ACTR3B: variants seen among roughly 807,000 people sequenced by gnomAD.
The protein encoded by ACTR3B is actin related protein 3B.
ACTR3B carries 8 observed loss-of-function variants against 59.0 expected under a neutral mutation model. That is an observed-to-expected ratio of 0.14 (90% CI 0.08 to 0.24). The LOEUF is 0.24. Ranked by LOEUF, ACTR3B falls within the 10% of genes least tolerant of loss-of-function variation. ACTR3B has a pLI of 1.00. For synonymous variants in ACTR3B, 148 were observed against 197.9 expected, an observed-to-expected ratio of 0.75 and a Z score of 2.12; for missense variants, 245 against 552.3, an observed-to-expected ratio of 0.44 and a Z score of 5.58.
Position 152,854,476 on chromosome 7 carries a change from T to G in ACTR3B, c.1180T>G (p.Cys394Gly). Residue 394 changes from cysteine to glycine, a missense_variant, in exon 12 of 12, where the codon TGC becomes GGC. By Grantham distance (159) the Cys-to-Gly change is radical. Coordinates refer to ENST00000256001, the MANE Select transcript of ACTR3B (RefSeq NM_020445.6). The surrounding 1 kb of genome is among the most constrained non-coding windows in gnomAD (Gnocchi z 4.9). ...LASTPEFFQV[C>G]HTKKDYEEYG... ...CTCGTAGCCCGAGTTCTTTCAGGTC[T>G]GCCACACCAAGAAGGACTATGAAGA... 6.2e-7 allele frequency: 1 copy of G among 1,614,144 alleles called. No homozygotes were observed. Among genetic ancestry groups the G allele is most frequent in the South Asian group, 1.1e-5 (1 of 91,080 alleles).
Position 152,820,283 on chromosome 7 carries a change from T to G in ACTR3B, c.541-16T>G. The stretch of plus-strand genomic sequence containing the variant: ...AAATCACTAACACAGCTGTTCTGCC[T>G]CCTCTTCTTCCCTAGGCAGAAGGTT... On this transcript the variant is annotated splice_polypyrimidine_tract_variant and intron_variant, in intron 6 of 11. Coordinates refer to ENST00000256001, the MANE Select transcript of ACTR3B (RefSeq NM_020445.6). The G allele has an allele frequency of 6.4e-7, 1 of 1,573,988 alleles. No homozygotes were observed. The highest frequency in any genetic ancestry group is 1.2e-5 in the South Asian group (1 of 84,488).
At chr7:152,773,551 C>T (rs533936194) in intron 1 of ACTR3B, among the ~76,000 whole-genome samples, 2 of 151,988 alleles carry the variant, frequency 1.3e-5, no homozygotes, top group South Asian at 2.1e-4. Flanking sequence ...CATGATACTG[C>T]ACTCCAGCCT....
At chr7:152,826,498 T>C (rs1796585620) in intron 9 of ACTR3B, among the ~76,000 whole-genome samples, 1 of 152,202 alleles carries the variant, frequency 6.6e-6, no homozygotes, top group South Asian at 2.1e-4. Context: ...TGCATATTCT[T>C]AAACACTTGT....
chr7:152,852,981 T>C (rs952668984), intron 10 of ACTR3B, among the ~76,000 whole-genome samples: 3 of 151,878 alleles, frequency 2.0e-5, no homozygotes, highest in East Asian at 1.9e-4. Flanking sequence ...TTAGTAGAGA[T>C]GGGGTTTCAC....
At chr7:152,762,320 A>T (rs1012584642) in intron 1 of ACTR3B, among the ~76,000 whole-genome samples, 3 of 152,238 alleles carry the variant, frequency 2.0e-5, no homozygotes, top group African/African-American at 7.2e-5. Flanking sequence ...CACTTCTCTG[A>T]GCCAAACTTT....
At chr7:152,767,014 C>G (rs2098112480) in intron 1 of ACTR3B, among the ~76,000 whole-genome samples, 1 of 151,476 alleles carries the variant, frequency 6.6e-6, no homozygotes, top group Non-Finnish European at 1.5e-5. Flanking sequence ...TCTCAAACTC[C>G]TGACCTCAGG....
intron 7 of ACTR3B, among the ~76,000 whole-genome samples, chr7:152,821,724 T>C (rs78325072): frequency 6.6e-6 from 1 of 152,192 alleles, no homozygotes; most frequent in Non-Finnish European, 1.5e-5. Context: ...AAGAGACTGT[T>C]CATAGCCTCC....
chr7:152,766,982 T>A (rs1404936057), intron 1 of ACTR3B, among the ~76,000 whole-genome samples: 1 of 152,016 alleles, frequency 6.6e-6, no homozygotes, highest in Non-Finnish European at 1.5e-5. Context: ...AGAAGGGGGT[T>A]TTACCATATT....
intron 4 of ACTR3B, among the ~76,000 whole-genome samples, chr7:152,808,247 C>T (rs200825813): frequency 0.14 from 21,037 of 151,200 alleles, 1,627 homozygotes; most frequent in African/African-American, 0.28. Flanking sequence ...TACATAGATA[C>T]CACATTCTGC....
chr7:152,832,663 C>T (rs1797122220), intron 9 of ACTR3B, among the ~76,000 whole-genome samples: 1 of 152,200 alleles, frequency 6.6e-6, no homozygotes, highest in Non-Finnish European at 1.5e-5. Flanking sequence ...CACCTGGCCA[C>T]TATCTCTATC....
chr7:152,845,531 C>T (rs3763421), intron 9 of ACTR3B, among the ~76,000 whole-genome samples: 2,064 of 152,328 alleles, frequency 0.014, 21 homozygotes, highest in East Asian at 0.035. Context: ...GCTCCCATGA[C>T]GTTTCACGGT....
At position 152,800,642 on chromosome 7, in the gene ACTR3B, C is replaced by T; in HGVS notation, c.212C>T (p.Thr71Ile). ...FIGDEAIDKP[T>I]YATKWPIRHG... Reference sequence around the variant, plus strand: ...GGAGATGAAGCCATCGATAAACCTACATATGCTACAAAGGTAAATTTCCGA... The same window carrying T: ...GGAGATGAAGCCATCGATAAACCTATATATGCTACAAAGGTAAATTTCCGA... Residue 71 changes from threonine (T) to isoleucine (I), a missense_variant, in exon 3 of 12, where the codon ACA becomes ATA. This residue lies in a region of ACTR3B where 11 missense variants were observed against 82.1 expected (regional missense o/e 0.13). Transcript: ENST00000256001. 6.2e-7 allele frequency: 1 copy of T among 1,613,944 alleles called. No homozygotes were observed. The highest frequency in any genetic ancestry group is 8.5e-7 in the Non-Finnish European group (1 of 1,179,896).
chr7:152,801,366 A>C (rs1446059099), intron 3 of ACTR3B, among the ~76,000 whole-genome samples: 3 of 152,212 alleles, frequency 2.0e-5, no homozygotes, highest in Non-Finnish European at 4.4e-5. Context: ...GGCGTGAGCC[A>C]CTGTGCCTGG....
At chr7:152,853,027 G>A (rs1422312587) in intron 10 of ACTR3B, among the ~76,000 whole-genome samples, 1 of 152,094 alleles carries the variant, frequency 6.6e-6, no homozygotes, top group East Asian at 1.9e-4. Context: ...TCCTGACCTT[G>A]TGATCCATGC....
rs1795499959 is a variant in ACTR3B, at chr7:152,814,193, T to A, written c.337-357T>A. 9.1e-6 allele frequency: 2 copies of A among 219,834 alleles called. 1 individual carries two copies. The highest frequency in any genetic ancestry group is 5.3e-5 in the African/African-American group (2 of 37,462). 13.6% of individuals were successfully genotyped at this position (219,834 alleles called of 1,614,324 possible). On this transcript the variant is annotated intron_variant, in intron 4 of 11. Transcript: ENST00000256001. ...TGAAGTCACCGGTTCGCCTTTGATG[T>A]CCTCACTCGTCTTGGTTGTGTTTTC...
In ACTR3B at chr7:152,759,770, G is replaced by T; in HGVS notation, c.-113G>T. The T allele has an allele frequency of 3.5e-6, 3 of 856,830 alleles. No individual in the cohort carries two copies. The highest frequency in any genetic ancestry group is 5.3e-5 in the South Asian group (1 of 18,870). 53.1% of individuals were successfully genotyped at this position (856,830 alleles called of 1,614,324 possible). A position where few individuals can be genotyped will look rare whatever the true frequency, so the allele number is the denominator to read the frequency against. On this transcript the variant is annotated 5_prime_UTR_variant, in exon 1 of 12. Coordinates refer to ENST00000256001, the MANE Select transcript of ACTR3B (RefSeq NM_020445.6). Reference sequence around the variant, plus strand: ...GCCGAGCATCCGGGCTCCCGGCAGCGGCGCTGCGGCGGCTCGCGGGAGACG... The same window carrying T: ...GCCGAGCATCCGGGCTCCCGGCAGCTGCGCTGCGGCGGCTCGCGGGAGACG...
chr7:152,797,325 C>T (rs1363766787), intron 2 of ACTR3B, among the ~76,000 whole-genome samples: 2 of 152,154 alleles, frequency 1.3e-5, no homozygotes, highest in Non-Finnish European at 2.9e-5. Context: ...AAGCTATCCT[C>T]CTGCCTTAGC....
intron 2 of ACTR3B, among the ~76,000 whole-genome samples, chr7:152,791,103 T>A (rs2098194535): frequency 6.6e-6 from 1 of 150,976 alleles, no homozygotes. Flanking sequence ...AACCTTCACC[T>A]CCTGGGTTCA....
intron 9 of ACTR3B, among the ~76,000 whole-genome samples, chr7:152,843,516 A>G (rs1798031054): frequency 6.6e-6 from 1 of 152,260 alleles, no homozygotes; most frequent in South Asian, 2.1e-4. Flanking sequence ...CACTGTTTGT[A>G]TGGTTATGTG....
Sources: allele counts gnomAD v4.1 joint callset (sites outside exome capture counted in the v4.1 genomes callset), GRCh38; gene constraint gnomAD v4.1.1; regional missense constraint gnomAD v4.1.1; non-coding constraint Gnocchi (gnomAD v3.1); transcripts MANE v1.5; gene names NCBI Gene and HGNC (gene_info 2026-07-23, HGNC 2026-07-21).